The following CACNG4 variants were observed in gnomAD, a reference collection of about 807,000 sequenced individuals.
The protein encoded by CACNG4 is voltage-dependent calcium channel gamma-4 subunit.
A neutral mutation model predicts 22.9 loss-of-function variants in CACNG4; 8 were observed. That is an observed-to-expected ratio of 0.35 (90% CI 0.21 to 0.63). CACNG4 has a LOEUF of 0.63. Among genes scored for constraint, CACNG4 ranks in the 30% least tolerant of loss-of-function variants. CACNG4 has a pLI of 0.72. For synonymous variants in CACNG4, 188 were observed against 191.9 expected (o/e 0.98, Z 0.17); for missense variants, 357 against 455.4 (o/e 0.78, Z 1.97).
intron 1 of CACNG4, among the ~76,000 whole-genome samples, chr17:66,976,156 A>G (rs2035234861): frequency 6.6e-6 from 1 of 152,090 alleles, no homozygotes; most frequent in South Asian, 2.1e-4. Context: ...AGAGGAGGAC[A>G]AGGCACCGGA....
At chr17:66,998,091 A>G (rs1463855372) in intron 1 of CACNG4, among the ~76,000 whole-genome samples, 1 of 152,254 alleles carries the variant, frequency 6.6e-6, no homozygotes, top group Non-Finnish European at 1.5e-5. Context: ...GTCAGGGTTC[A>G]GGACACGTCA....
chr17:66,993,539 G>A (rs1040817425), intron 1 of CACNG4, among the ~76,000 whole-genome samples: 9 of 152,216 alleles, frequency 5.9e-5, no homozygotes, highest in African/African-American at 1.7e-4. Flanking sequence ...GCACTCCCAC[G>A]CCTGTTCTTG....
intron 1 of CACNG4, among the ~76,000 whole-genome samples, chr17:67,001,607 G>A (rs1397703183): frequency 6.6e-6 from 1 of 152,218 alleles, no homozygotes; most frequent in Non-Finnish European, 1.5e-5. Flanking sequence ...GATGACTCTG[G>A]CACCTTCACC....
chr17:66,974,964 C>T (rs1337654463), intron 1 of CACNG4, among the ~76,000 whole-genome samples: 1 of 151,596 alleles, frequency 6.6e-6, no homozygotes, highest in Non-Finnish European at 1.5e-5. Context: ...TCCCTCCCAC[C>T]CTGACGCCGT....
chr17:67,005,185 A>G (rs1343230538), intron 1 of CACNG4, among the ~76,000 whole-genome samples: 1 of 152,214 alleles, frequency 6.6e-6, no homozygotes, highest in Non-Finnish European at 1.5e-5. Flanking sequence ...CCCTTAGTCC[A>G]TGGGTCTCCT....
intron 1 of CACNG4, among the ~76,000 whole-genome samples, chr17:66,966,857 T>C (rs117076678): frequency 6.6e-6 from 1 of 152,226 alleles, no homozygotes; most frequent in Non-Finnish European, 1.5e-5. Flanking sequence ...AGTGTGCAAT[T>C]GCTCAGATCA....
rs1303603371 is a variant in CACNG4 at position 67,030,043 on chromosome 17, G to A, written c.446-423G>A. Among the ~76,000 whole-genome samples, 2 of 152,216 alleles carry A rather than the reference G, an allele frequency of 1.3e-5. No homozygotes were observed. The highest frequency in any genetic ancestry group is 1.9e-4 in the East Asian group (1 of 5,200). On this transcript the variant is annotated intron_variant, in intron 3 of 3. Coordinates refer to ENST00000262138, the MANE Select transcript of CACNG4 (RefSeq NM_014405.4). This position sits in a 1 kb window ranked among gnomAD's most constrained non-coding sequence, Gnocchi z 6.4. ...CTTCTGTATGGCGGTGCCGCACGTAGTTAGAAAGACAGGGATGGCTCTCCA... is the reference window on the plus strand; with the variant it reads ...CTTCTGTATGGCGGTGCCGCACGTAATTAGAAAGACAGGGATGGCTCTCCA...
chr17:66,979,111 C>T (rs2035255797), intron 1 of CACNG4, among the ~76,000 whole-genome samples: 1 of 152,232 alleles, frequency 6.6e-6, no homozygotes, highest in Non-Finnish European at 1.5e-5. Flanking sequence ...CCAGTCACCA[C>T]ACCCACACGG....
intron 2 of CACNG4, among the ~76,000 whole-genome samples, chr17:67,023,945 G>T (rs2035547754): frequency 6.6e-6 from 1 of 152,188 alleles, no homozygotes; most frequent in South Asian, 2.1e-4. Flanking sequence ...TTCTAGGGAG[G>T]CTGCAATTCA....
intron 1 of CACNG4, among the ~76,000 whole-genome samples, chr17:66,986,070 G>A (rs1166771465): frequency 6.6e-6 from 1 of 152,252 alleles, no homozygotes; most frequent in African/African-American, 2.4e-5. Context: ...CCCCGGCCCT[G>A]AGCCAGCTCC....
chr17:66,967,463 A>G lies in CACNG4; in HGVS notation c.220+2332A>G, dbSNP rs529436049. Among the ~76,000 whole-genome samples the G allele has an allele frequency of 2.0e-5, 3 of 152,260 alleles. No homozygotes were observed. The East Asian group carries it at 5.8e-4, about 29-fold the overall frequency. ...ATAAAAAGCACATCCCTAGACCAAC[A>G]GCTCTCAACCACCTGACACCTCACC... On this transcript the variant is annotated intron_variant, in intron 1 of 3. Transcript: ENST00000262138.
intron 1 of CACNG4, among the ~76,000 whole-genome samples, chr17:66,991,266 TG>T (rs991615982): frequency 6.6e-6 from 1 of 151,600 alleles, no homozygotes; most frequent in Non-Finnish European, 1.5e-5. Flanking sequence ...TTCTCCCAAA[TG>T]GTAAGAATCA....
intron 1 of CACNG4, among the ~76,000 whole-genome samples, chr17:66,965,814 T>C (rs2035166737): frequency 6.6e-6 from 1 of 151,962 alleles, no homozygotes; most frequent in Non-Finnish European, 1.5e-5. Context: ...CCGCCTCGTC[T>C]CCCACGGAGT....
chr17:67,011,849 G>C (rs986103852), intron 1 of CACNG4, among the ~76,000 whole-genome samples: 3 of 152,156 alleles, frequency 2.0e-5, no homozygotes, highest in African/African-American at 4.8e-5. Flanking sequence ...ATCCTAAAGG[G>C]GAGTTGTGCT....
At chr17:66,992,283 G>A (rs980346915) in intron 1 of CACNG4, among the ~76,000 whole-genome samples, 5 of 152,150 alleles carry the variant, frequency 3.3e-5, no homozygotes, top group East Asian at 1.9e-4. Context: ...GGGAGGAGAC[G>A]GGTGGGGACC....
chr17:67,032,265 T>G lies in CACNG4; in HGVS notation c.*1261T>G, dbSNP rs2035612651. 1 of 326,100 alleles carries G rather than the reference T, an allele frequency of 3.1e-6. No individual in the cohort carries two copies. Among genetic ancestry groups the G allele is most frequent in the African/African-American group, 2.2e-5 (1 of 46,388 alleles). 20.2% of individuals were successfully genotyped at this position (326,100 alleles called of 1,614,324 possible). ...AGTGGTTTCTGTGTTTTACAGTTTT[T>G]CCAGCCATTCTTTTCTTCCCCCTCC... On this transcript the variant is annotated 3_prime_UTR_variant, in exon 4 of 4. Coordinates refer to ENST00000262138, the MANE Select transcript of CACNG4 (RefSeq NM_014405.4).
chr17:67,023,906 C>T (rs2035547615), intron 2 of CACNG4, among the ~76,000 whole-genome samples: 1 of 152,216 alleles, frequency 6.6e-6, no homozygotes, highest in African/African-American at 2.4e-5. Context: ...AGATCAATTA[C>T]AGGTCCTAAG....
intron 3 of CACNG4, among the ~76,000 whole-genome samples, chr17:67,029,657 CAA>C (rs2035589722): frequency 6.6e-6 from 1 of 151,870 alleles, no homozygotes; most frequent in Non-Finnish European, 1.5e-5. Context: ...AACAAACAAA[CAA>C]AAACAAACAA....
intron 1 of CACNG4, among the ~76,000 whole-genome samples, chr17:66,993,808 A>G (rs569080373): frequency 2.1e-4 from 32 of 152,028 alleles, no homozygotes; most frequent in African/African-American, 7.7e-4. Flanking sequence ...GTTTCACCAG[A>G]CGGCGTTTCA....
Sources: gnomAD v4.1 joint callset for allele counts (sites outside exome capture counted in the v4.1 genomes callset) on GRCh38, gnomAD v4.1.1 for gene constraint, Gnocchi (gnomAD v3.1) non-coding constraint, MANE v1.5 for transcripts, NCBI Gene and HGNC (gene_info 2026-07-23, HGNC 2026-07-21) for gene names.